TRPM3: variants seen among roughly 807,000 people sequenced by gnomAD.
TRPM3 encodes the protein transient receptor potential cation channel subfamily M member 3.
A neutral mutation model predicts 181.2 loss-of-function variants in TRPM3; 77 were observed. The ratio of observed to expected loss-of-function variants is 0.42; its 90% CI spans 0.35 to 0.51. The LOEUF (loss-of-function observed/expected upper bound fraction) is 0.51, where lower values mean the gene tolerates loss of function less well. Ranked by LOEUF, TRPM3 falls within the 20% of genes least tolerant of loss-of-function variation. The probability of loss-of-function intolerance (pLI) is 0.01; values close to 1 mark genes in which losing one functional copy is unlikely to be tolerated. For synonymous variants in TRPM3, 745 were observed against 796.4 expected (o/e 0.94, Z 1.09); for missense variants, 1,759 against 2,196.7 (o/e 0.80, Z 3.98).
chr9:71,247,353 CAAAAAAAAA>C (rs34584730), intron 1 of TRPM3, among the ~76,000 whole-genome samples: 1 of 82,334 alleles, frequency 1.2e-5, no homozygotes, highest in Admixed American at 1.5e-4. Context: ...GACTCTGTCT[CAAAAAAAAA>C]AAAAAAAAAA....
chr9:70,974,539 A>AAAACAAACAAAC (rs74510700), intron 1 of TRPM3, among the ~76,000 whole-genome samples: 4 of 149,194 alleles, frequency 2.7e-5, no homozygotes, highest in African/African-American at 7.4e-5. Flanking sequence ...ACTCCGTCTC[A>AAAACAAACAAAC]AAACAAACAA....
chr9:70,817,098 T>C (rs1385463976), intron 6 of TRPM3, among the ~76,000 whole-genome samples: 2 of 152,234 alleles, frequency 1.3e-5, no homozygotes, highest in East Asian at 3.8e-4. Context: ...ACCATCTGTC[T>C]CTCAATATCT....
At chr9:70,696,360 G>A (rs1444373192) in intron 8 of TRPM3, among the ~76,000 whole-genome samples, 2 of 152,184 alleles carry the variant, frequency 1.3e-5, no homozygotes, top group East Asian at 1.9e-4. Flanking sequence ...TCCGGAGACC[G>A]ATCAGGTTTC....
intron 1 of TRPM3, among the ~76,000 whole-genome samples, chr9:71,281,085 A>C (rs1021311225): frequency 6.6e-6 from 1 of 152,198 alleles, no homozygotes; most frequent in Non-Finnish European, 1.5e-5. Context: ...TTCTTAATAA[A>C]TATTTGCTGA....
chr9:70,577,389 C>T (rs2054310741), intron 22 of TRPM3, among the ~76,000 whole-genome samples: 1 of 152,232 alleles, frequency 6.6e-6, no homozygotes, highest in Non-Finnish European at 1.5e-5. Flanking sequence ...GCCTCTGCCA[C>T]TTTCTGGCTG....
intron 1 of TRPM3, among the ~76,000 whole-genome samples, chr9:71,159,810 G>A (rs2076190956): frequency 6.6e-6 from 1 of 152,124 alleles, no homozygotes; most frequent in Non-Finnish European, 1.5e-5. Flanking sequence ...TTTAAATCAT[G>A]TGGAGATTAT....
chr9:71,089,140 T>A (rs2065771371), intron 1 of TRPM3, among the ~76,000 whole-genome samples: 1 of 147,706 alleles, frequency 6.8e-6, no homozygotes, highest in East Asian at 1.9e-4. Flanking sequence ...ATATATTATA[T>A]ATGAATATAT....
chr9:71,044,409 G>A (rs1432981967), intron 1 of TRPM3, among the ~76,000 whole-genome samples: 1 of 152,144 alleles, frequency 6.6e-6, no homozygotes, highest in Non-Finnish European at 1.5e-5. Context: ...TACTTGCCAA[G>A]TCTCATTGAG....
chr9:70,968,118 C>T (rs1318609422), intron 1 of TRPM3, among the ~76,000 whole-genome samples: 1 of 152,050 alleles, frequency 6.6e-6, no homozygotes, highest in African/African-American at 2.4e-5. Flanking sequence ...CCTGAGTATC[C>T]TGTCTTCTCA....
At chr9:70,970,317 C>A (rs981879684) in intron 1 of TRPM3, among the ~76,000 whole-genome samples, 1 of 152,052 alleles carries the variant, frequency 6.6e-6, no homozygotes, top group African/African-American at 2.4e-5. Context: ...AGAGGATTTT[C>A]CATTAGACCG....
intron 1 of TRPM3, among the ~76,000 whole-genome samples, chr9:71,279,779 T>C (rs984253653): frequency 6.6e-6 from 1 of 152,128 alleles, no homozygotes; most frequent in East Asian, 1.9e-4. Context: ...ATACCCAGCA[T>C]TGACGGAAAT....
chr9:70,814,615 T>G (rs1350303192), intron 6 of TRPM3, among the ~76,000 whole-genome samples: 1 of 152,172 alleles, frequency 6.6e-6, no homozygotes, highest in Non-Finnish European at 1.5e-5. Flanking sequence ...TTGAAAATAC[T>G]GTTCTCTCTA....
chr9:70,822,641 AC>A (rs2093272388), intron 6 of TRPM3, among the ~76,000 whole-genome samples: 1 of 152,202 alleles, frequency 6.6e-6, no homozygotes, highest in Non-Finnish European at 1.5e-5. Flanking sequence ...TGATCATTGC[AC>A]AAAAACAATG....
chr9:71,339,816 G>A (rs927043229), intron 1 of TRPM3, among the ~76,000 whole-genome samples: 1 of 151,940 alleles, frequency 6.6e-6, no homozygotes. Flanking sequence ...GAACTTTCCT[G>A]GTGAACACAT....
rs2130850458 is a variant in TRPM3 at position 70,784,167 on chromosome 9, A to G, written c.1086T>C (p.Cys362=). 1 of 1,613,802 alleles carries G rather than the reference A, an allele frequency of 6.2e-7. No homozygotes were observed. Among genetic ancestry groups the G allele is most frequent in the Non-Finnish European group, 8.5e-7 (1 of 1,179,838 alleles). Residue 362 remains cysteine, a synonymous_variant, in exon 7 of 26, where the codon TGT becomes TGC. Coordinates refer to ENST00000677713, the MANE Select transcript of TRPM3 (RefSeq NM_001366145.2). ...TGTCCGATGCCCGTCCACTCCCATC[A>G]CAGACAACCACTGGCACGGGAGGGG... ...RDTPPVPVVV[C]DGSGRASDIL...
chr9:70,666,669 C>T (rs1440107647), intron 9 of TRPM3, among the ~76,000 whole-genome samples: 5 of 152,162 alleles, frequency 3.3e-5, no homozygotes, highest in African/African-American at 9.6e-5. Context: ...GAAGCTCTCA[C>T]TTTCTCTCTT....
At chr9:71,172,446 C>T (rs1196827973) in intron 1 of TRPM3, among the ~76,000 whole-genome samples, 1 of 151,864 alleles carries the variant, frequency 6.6e-6, no homozygotes, top group African/African-American at 2.4e-5. Flanking sequence ...TGCTCTTTCA[C>T]CCAAGCTGGA....
chr9:70,641,706 A>C lies in TRPM3; in HGVS notation c.1346-1046T>G, dbSNP rs111815543. Reference sequence around the variant, plus strand: ...TAGTGACTACTGAACTGGAAAGCACAGATACAGAACATTTCTATCATCACA... The same window carrying C: ...TAGTGACTACTGAACTGGAAAGCACCGATACAGAACATTTCTATCATCACA... On this transcript the variant is annotated intron_variant, in intron 9 of 25. Transcript: ENST00000677713. Among the ~76,000 whole-genome samples the C allele has an allele frequency of 5.2e-3, 786 of 152,280 alleles. 9 individuals carry two copies. Among genetic ancestry groups the C allele is most frequent in the African/African-American group, 0.018 (742 of 41,568 alleles).
intron 22 of TRPM3, among the ~76,000 whole-genome samples, chr9:70,559,786 A>G (rs1736370495): frequency 6.6e-6 from 1 of 152,138 alleles, no homozygotes; most frequent in Admixed American, 6.5e-5. Flanking sequence ...TGGCCTGGCC[A>G]GTACCTGCCC....
Sources: allele counts gnomAD v4.1 joint callset (sites outside exome capture counted in the v4.1 genomes callset), GRCh38; gene constraint gnomAD v4.1.1; transcripts MANE v1.5; gene names NCBI Gene and HGNC (gene_info 2026-07-23, HGNC 2026-07-21).